Variants in GALC observed in about 807,000 individuals in gnomAD.
GALC encodes galactosylceramidase, also known as galactocerebrosidase.
A neutral mutation model predicts 91.8 loss-of-function variants in GALC; 77 were observed. The observed-to-expected ratio is 0.84, with a 90% CI of 0.70 to 1.01. The LOEUF is 1.01. Among genes scored for constraint, GALC ranks in the 50% least tolerant of loss-of-function variants. GALC has a pLI of 0.00. For synonymous variants in GALC, 357 were observed against 306.7 expected, an observed-to-expected ratio of 1.16 and a Z score of -1.71; for missense variants, 882 against 855.9, an observed-to-expected ratio of 1.03 and a Z score of -0.38.
At position 87,947,750 on chromosome 14, in the gene GALC, G is replaced by T; in HGVS notation, c.1467C>A (p.Thr489=). The change falls in exon 13 of 17, where the codon ACC becomes ACA. Residue 489 remains threonine, a synonymous_variant. Transcript: ENST00000261304. ...LPPKSQPFPS[T]YKDDFNVDYP... ...CACCAACATTGAAATCATCCTTATA[G>T]GTACTTGGGAAGGGCTGGGATTTTG... 6.2e-7 allele frequency: 1 copy of T among 1,612,872 alleles called. No homozygotes were observed. The highest frequency in any genetic ancestry group is 8.5e-7 in the Non-Finnish European group (1 of 1,179,220).
chr14:87,937,763 A>T (rs1415287364), intron 16 of GALC, among the ~76,000 whole-genome samples: 2 of 151,884 alleles, frequency 1.3e-5, no homozygotes, highest in Non-Finnish European at 2.9e-5. Context: ...GAAAATTTTT[A>T]AAATCTCATT....
chr14:87,984,435 C>T lies in GALC; in HGVS notation c.541G>A (p.Gly181Ser), dbSNP rs1309564348. 6.2e-7 allele frequency: 1 copy of T among 1,614,038 alleles called. No individual in the cohort carries two copies. The change falls in exon 5 of 17, where the codon GGC becomes AGC. Residue 181 changes from glycine to serine, a missense_variant. Gly to Ser is a moderately conservative substitution (Grantham distance 56, BLOSUM62 0). Transcript: ENST00000261304. ...TAYYVVTWIVGAKRYHDLDID... is the reference protein window; with the variant it reads ...TAYYVVTWIVSAKRYHDLDID... ...TCCAAATCATGGTAACGCTTGGCGC[C>T]CACAATCCAGGTCACGACATAATAG...
intron 12 of GALC, among the ~76,000 whole-genome samples, chr14:87,948,290 A>G (rs1885158125): frequency 6.6e-6 from 1 of 152,056 alleles, no homozygotes; most frequent in Non-Finnish European, 1.5e-5. Flanking sequence ...CCCAGCTGTT[A>G]ATCACAGAAA....
intron 8 of GALC, among the ~76,000 whole-genome samples, chr14:87,966,668 G>T (rs1324494524): frequency 6.6e-6 from 1 of 152,142 alleles, no homozygotes; most frequent in Non-Finnish European, 1.5e-5. Flanking sequence ...TTTCTGGCTA[G>T]TGATAGATGT....
intron 6 of GALC, among the ~76,000 whole-genome samples, chr14:87,980,905 C>A (rs1402869349): frequency 6.6e-6 from 1 of 152,196 alleles, no homozygotes; most frequent in Non-Finnish European, 1.5e-5. Context: ...TGAACCTTAT[C>A]TACTTAAGAA....
intron 15 of GALC, among the ~76,000 whole-genome samples, chr14:87,940,508 T>A (rs939035071): frequency 7.9e-5 from 12 of 151,886 alleles, no homozygotes; most frequent in African/African-American, 2.9e-4. Context: ...AGACACAGAT[T>A]TAAATTCCTA....
intron 10 of GALC, among the ~76,000 whole-genome samples, chr14:87,956,966 G>A (rs1885584293): frequency 6.6e-6 from 1 of 152,110 alleles, no homozygotes; most frequent in Non-Finnish European, 1.5e-5. Flanking sequence ...TCTGGCTGGA[G>A]TAAGGTGGTA....
chr14:87,982,774 A>G (rs1360219836), intron 5 of GALC, among the ~76,000 whole-genome samples: 1 of 152,214 alleles, frequency 6.6e-6, no homozygotes, highest in Non-Finnish European at 1.5e-5. Flanking sequence ...AGAGTCATGA[A>G]GCATGGGGTT....
At chr14:87,956,593 TACACACAC>T (rs56760246) in intron 10 of GALC, among the ~76,000 whole-genome samples, 22 of 139,272 alleles carry the variant, frequency 1.6e-4, no homozygotes, top group Admixed American at 3.5e-4. Context: ...ACCATATATA[TACACACAC>T]ACACACACAC....
chr14:87,958,003 AAAC>A (rs1885630739), intron 10 of GALC, among the ~76,000 whole-genome samples: 1 of 152,166 alleles, frequency 6.6e-6, no homozygotes, highest in African/African-American at 2.4e-5. Context: ...GAATTAGAAA[AAAC>A]AATCCTAAAA....
rs2139973118 is a variant in GALC at position 87,954,844 on chromosome 14, T to C, written c.1162-4096A>G. On this transcript the variant is annotated intron_variant, in intron 10 of 16. Transcript: ENST00000261304. ...AGATAAGAACAGGATCTACAAACAA[T>C]GTTTTAGCTGCTTGCCATTTACTAT... is the stretch of plus-strand genomic sequence containing the variant. The C allele has an allele frequency of 5.0e-6, 8 of 1,606,462 alleles. No homozygotes were observed. In the South Asian group the frequency reaches 8.8e-5, roughly 18 times the overall value.
chr14:87,953,857 A>G (rs1885409669), intron 10 of GALC: 1 of 1,609,940 alleles, frequency 6.2e-7, no homozygotes, highest in Admixed American at 1.7e-5. Context: ...CATGTGAAGG[A>G]AATAAACATA....
Position 87,933,728 on chromosome 14 carries a change from AC to A in GALC, c.*1003del. On this transcript the variant is annotated 3_prime_UTR_variant, in exon 17 of 17. Transcript: ENST00000261304. ...CACATTAATGCTTAGTATAAATCAT[AC>A]AACATGATGAACACGCTCACGTATA... The A allele has an allele frequency of 2.2e-6, 1 of 453,996 alleles. No individual in the cohort carries two copies. The highest frequency in any genetic ancestry group is 3.2e-5 in the East Asian group (1 of 31,566). The allele number at this position is 453,996 out of a possible 1,614,324, so 28.1% of individuals were successfully genotyped here. A position where few individuals can be genotyped will look rare whatever the true frequency, so the allele number is the denominator to read the frequency against.
Position 87,993,176 on chromosome 14 carries a change from C to G in GALC, c.-12G>C. The G allele has an allele frequency of 6.3e-7, 1 of 1,582,804 alleles. No homozygotes were observed. The highest frequency in any genetic ancestry group is 8.6e-7 in the Non-Finnish European group (1 of 1,164,340). ...AGCCACTCAGCCATTGTGTGGGTCA[C>G]ATGACTCCGGCGCCCAGGGAGGCGG... On this transcript the variant is annotated 5_prime_UTR_variant, in exon 1 of 17. An upstream start codon of the reference 5' UTR is lost. Coordinates refer to ENST00000261304, the MANE Select transcript of GALC (RefSeq NM_000153.4).
At chr14:87,981,605 A>C (rs1233612191) in intron 6 of GALC, among the ~76,000 whole-genome samples, 1 of 152,036 alleles carries the variant, frequency 6.6e-6, no homozygotes, top group Non-Finnish European at 1.5e-5. Flanking sequence ...TGAAACTGCC[A>C]TTTTTTTTCC....
intron 10 of GALC, among the ~76,000 whole-genome samples, chr14:87,960,882 A>C (rs1391979096): frequency 6.6e-6 from 1 of 152,186 alleles, no homozygotes; most frequent in African/African-American, 2.4e-5. Flanking sequence ...GGAATACATA[A>C]ATATAAATCT....
intron 7 of GALC, among the ~76,000 whole-genome samples, chr14:87,969,811 G>T (rs920874491): frequency 6.6e-6 from 1 of 152,092 alleles, no homozygotes; most frequent in Non-Finnish European, 1.5e-5. Context: ...ATGAATTAGG[G>T]CACAATATCA....
intron 1 of GALC, 86 bp from the exon 2 acceptor site, chr14:87,988,609 T>TAC: frequency 2.1e-6 from 2 of 958,766 alleles, no homozygotes; most frequent in South Asian, 2.6e-5. Flanking sequence ...CCACCTGGTA[T>TAC]ACACATATTT....
At chr14:87,978,587 T>C (rs1374511999) in intron 6 of GALC, among the ~76,000 whole-genome samples, 1 of 152,232 alleles carries the variant, frequency 6.6e-6, no homozygotes, top group Non-Finnish European at 1.5e-5. Context: ...TTATCTAACA[T>C]ATTTTCAGAT....
Sources: allele counts gnomAD v4.1 joint callset (sites outside exome capture counted in the v4.1 genomes callset), GRCh38; gene constraint gnomAD v4.1.1; transcripts MANE v1.5; gene names NCBI Gene and HGNC (gene_info 2026-07-23, HGNC 2026-07-21).